The following STXBP6 variants were observed in gnomAD, a reference collection of about 807,000 sequenced individuals.
The protein encoded by STXBP6 is syntaxin binding protein 6.
STXBP6 carries 21 observed loss-of-function variants against 26.9 expected under a neutral mutation model. The observed-to-expected ratio is 0.78, with a 90% CI of 0.55 to 1.12. The LOEUF (loss-of-function observed/expected upper bound fraction) is 1.12, where lower values mean the gene tolerates loss of function less well. STXBP6 is among the 50% of genes most tolerant of loss of function. The probability of loss-of-function intolerance (pLI) is 0.00; values close to 1 mark genes in which losing one functional copy is unlikely to be tolerated. For missense variants in STXBP6, 232 were observed against 257.9 expected (o/e 0.90, Z 0.69); for synonymous variants, 97 against 92.6 (o/e 1.05, Z -0.27).
At chr14:24,838,226 G>C (rs1045306826) in intron 4 of STXBP6, among the ~76,000 whole-genome samples, 1 of 152,098 alleles carries the variant, frequency 6.6e-6, no homozygotes, top group East Asian at 1.9e-4. Context: ...GCCCAGGTTG[G>C]TCTGGAATTC....
At position 25,050,141 on chromosome 14, in the gene STXBP6, C is replaced by G. The variant is rs2075784858; in HGVS notation, c.-296G>C. ...CTGCAGCCGCGCGCCCGCCCGCCGC[C>G]GAGTGCGAGCGCCTGCGAAGCAAAC... On this transcript the variant is annotated 5_prime_UTR_variant, in exon 1 of 6. Transcript: ENST00000323944. 3 of 153,282 alleles carry G rather than the reference C, an allele frequency of 2.0e-5. No individual in the cohort carries two copies. Among genetic ancestry groups the G allele is most frequent in the South Asian group, 2.1e-4 (1 of 4,852 alleles). The allele number at this position is 153,282 out of a possible 1,614,324, so 9.5% of individuals were successfully genotyped here.
At chr14:24,870,516 A>G (rs888185188) in intron 2 of STXBP6, among the ~76,000 whole-genome samples, 1 of 152,110 alleles carries the variant, frequency 6.6e-6, no homozygotes, top group Admixed American at 6.5e-5. Flanking sequence ...TCCAAATGTT[A>G]CCTTTGGGCA....
At chr14:24,833,649 C>A (rs1463741288) in intron 4 of STXBP6, among the ~76,000 whole-genome samples, 2 of 152,114 alleles carry the variant, frequency 1.3e-5, no homozygotes, top group African/African-American at 4.8e-5. Context: ...AATCAGCATA[C>A]AGAAAGGATC....
At chr14:24,875,245 C>T (rs529552601) in intron 2 of STXBP6, among the ~76,000 whole-genome samples, 12 of 152,244 alleles carry the variant, frequency 7.9e-5, no homozygotes, top group Middle Eastern at 3.4e-3. Context: ...ACCCTAAGAG[C>T]GCCCTCACAA....
intron 1 of STXBP6, among the ~76,000 whole-genome samples, chr14:24,976,164 C>CT (rs1365636592): frequency 3.3e-5 from 5 of 152,168 alleles, no homozygotes; most frequent in African/African-American, 9.7e-5. Flanking sequence ...GAGTTGACTG[C>CT]TAACTACATC....
intron 1 of STXBP6, among the ~76,000 whole-genome samples, chr14:25,040,162 C>T (rs2075620626): frequency 6.6e-6 from 1 of 152,162 alleles, no homozygotes; most frequent in South Asian, 2.1e-4. Flanking sequence ...TAAATGGCTC[C>T]TGTGTGAATG....
At chr14:24,950,973 G>C (rs923522514) in intron 2 of STXBP6, among the ~76,000 whole-genome samples, 24 of 151,600 alleles carry the variant, frequency 1.6e-4, no homozygotes, top group African/African-American at 3.6e-4. Flanking sequence ...TCCCATTTAT[G>C]AGTGAGAGCA....
intron 2 of STXBP6, among the ~76,000 whole-genome samples, chr14:24,958,905 A>G (rs11628331): frequency 0.51 from 78,137 of 151,996 alleles, 20,599 homozygotes; most frequent in Middle Eastern, 0.62. Flanking sequence ...GTCCTTAAGT[A>G]TCAACAAAGA....
chr14:25,016,981 G>C (rs530591536), intron 1 of STXBP6, among the ~76,000 whole-genome samples: 1 of 152,158 alleles, frequency 6.6e-6, no homozygotes, highest in Non-Finnish European at 1.5e-5. Context: ...AGTACATAGT[G>C]CGGAGTATGC....
intron 2 of STXBP6, among the ~76,000 whole-genome samples, chr14:24,960,816 T>C (rs924298563): frequency 2.6e-5 from 4 of 152,240 alleles, no homozygotes; most frequent in Non-Finnish European, 5.9e-5. Flanking sequence ...TGCATACAGA[T>C]AGGAAAAGGA....
At chr14:24,916,157 GT>G (rs2071757867) in intron 2 of STXBP6, among the ~76,000 whole-genome samples, 1 of 152,108 alleles carries the variant, frequency 6.6e-6, no homozygotes, top group Non-Finnish European at 1.5e-5. Context: ...CACCCCCTGG[GT>G]TTAGGGTAAA....
chr14:24,950,911 C>A (rs1052018536), intron 2 of STXBP6, among the ~76,000 whole-genome samples: 3 of 151,972 alleles, frequency 2.0e-5, no homozygotes, highest in Non-Finnish European at 4.4e-5. Context: ...CCCGACAGGC[C>A]CCCCGTGTGT....
chr14:24,911,761 G>A lies in STXBP6; in HGVS notation c.155-54604C>T, dbSNP rs571764680. ...CACCCTTTTCCCAGCAGCCACATCT[G>A]CAGCAGAGCACATAGCTTAGAAAAA... On this transcript the variant is annotated intron_variant, in intron 2 of 5. Transcript: ENST00000323944. Among the ~76,000 whole-genome samples the A allele has an allele frequency of 2.4e-4, 37 of 152,318 alleles. No homozygotes were observed. The South Asian group carries it at 7.7e-3, about 32-fold the overall frequency.
chr14:24,879,163 T>G (rs2070258751), intron 2 of STXBP6, among the ~76,000 whole-genome samples: 1 of 152,210 alleles, frequency 6.6e-6, no homozygotes, highest in Admixed American at 6.5e-5. Flanking sequence ...GAACTTTCCA[T>G]CTACTGAATT....
At chr14:24,861,812 C>A (rs2069548124) in intron 2 of STXBP6, among the ~76,000 whole-genome samples, 1 of 152,072 alleles carries the variant, frequency 6.6e-6, no homozygotes, top group Non-Finnish European at 1.5e-5. Flanking sequence ...AATGTTTAGA[C>A]CCTGCAGGCT....
intron 4 of STXBP6, among the ~76,000 whole-genome samples, chr14:24,835,474 T>C (rs1423594325): frequency 6.6e-6 from 1 of 152,222 alleles, no homozygotes; most frequent in Non-Finnish European, 1.5e-5. Flanking sequence ...ACATTGTTTT[T>C]GTATATGAGG....
At chr14:24,840,204 C>T (rs2068745418) in intron 4 of STXBP6, among the ~76,000 whole-genome samples, 1 of 152,136 alleles carries the variant, frequency 6.6e-6, no homozygotes, top group Non-Finnish European at 1.5e-5. Flanking sequence ...TTGGGATTAT[C>T]ATTGATTTGA....
chr14:25,028,569 G>A (rs1235401915), intron 1 of STXBP6, among the ~76,000 whole-genome samples: 1 of 152,060 alleles, frequency 6.6e-6, no homozygotes, highest in African/African-American at 2.4e-5. Context: ...TCATCCAAGA[G>A]CTCTAATGGA....
At chr14:24,905,900 TG>T (rs2071370292) in intron 2 of STXBP6, among the ~76,000 whole-genome samples, 1 of 152,132 alleles carries the variant, frequency 6.6e-6, no homozygotes, top group African/African-American at 2.4e-5. Flanking sequence ...CAAGATATAA[TG>T]GGAGATAAAT....
Sources: gnomAD v4.1 joint callset for allele counts (sites outside exome capture counted in the v4.1 genomes callset) on GRCh38, gnomAD v4.1.1 for gene constraint, MANE v1.5 for transcripts, NCBI Gene and HGNC (gene_info 2026-07-23, HGNC 2026-07-21) for gene names.